SRGAP2: variants seen among roughly 807,000 people sequenced by gnomAD.
SRGAP2 encodes SLIT-ROBO Rho GTPase-activating protein 2.
Under a neutral mutation model 57.2 loss-of-function variants are expected in SRGAP2, and 15 were observed. The observed-to-expected ratio is 0.26, with a 90% CI of 0.18 to 0.40. The LOEUF (loss-of-function observed/expected upper bound fraction) is 0.40, where lower values mean the gene tolerates loss of function less well. SRGAP2 is among the 10% of genes least tolerant of loss of function. The pLI, the probability that SRGAP2 is intolerant of heterozygous loss-of-function variation, is 1.00. For missense variants in SRGAP2, 520 were observed against 669.6 expected (o/e 0.78, Z 2.47); for synonymous variants, 249 against 248.0 (o/e 1.00, Z -0.04).
At chr1:206,334,009 A>C (rs1260685195) in intron 3 of SRGAP2, among the ~76,000 whole-genome samples, 1 of 152,164 alleles carries the variant, frequency 6.6e-6, no homozygotes, top group East Asian at 1.9e-4. Flanking sequence ...CACACAAGCC[A>C]ATGGACATAC....
intron 3 of SRGAP2, among the ~76,000 whole-genome samples, chr1:206,319,007 G>A (rs1673257674): frequency 1.3e-5 from 2 of 152,090 alleles, no homozygotes; most frequent in Non-Finnish European, 2.9e-5. Context: ...TCTGAAGGAC[G>A]CAACTCAGGT....
chr1:206,383,511 G>A (rs1158754709), intron 4 of SRGAP2, among the ~76,000 whole-genome samples: 1 of 152,074 alleles, frequency 6.6e-6, no homozygotes, highest in African/African-American at 2.4e-5. Flanking sequence ...TGTGAGTTTT[G>A]GGTAGAAATA....
chr1:206,389,984 AC>A, intron 5 of SRGAP2, among the ~76,000 whole-genome samples: 1 of 151,174 alleles, frequency 6.6e-6, no homozygotes, highest in East Asian at 1.9e-4. Flanking sequence ...ATGTATATGT[AC>A]ATAGATATAT....
In SRGAP2 at chr1:206,292,243, A is replaced by G. The variant is rs1166434897; in HGVS notation, c.68-11038A>G. 3.8e-3 allele frequency among the ~76,000 whole-genome samples: 575 copies of G among 152,278 alleles called. 4 individuals are homozygous for G. The highest frequency in any genetic ancestry group is 0.017 in the Middle Eastern group (5 of 294). ...GTCAATTTCTATCTCCTGTAGGTCAAAGTTTGATTCTTGGAGCCTCCACTT... is the reference window on the plus strand; with the variant it reads ...GTCAATTTCTATCTCCTGTAGGTCAGAGTTTGATTCTTGGAGCCTCCACTT... On this transcript the variant is annotated intron_variant, in intron 2 of 22. Coordinates refer to ENST00000573034, the MANE Select transcript of SRGAP2 (RefSeq NM_015326.5).
chr1:206,305,662 C>G (rs1672148728), intron 3 of SRGAP2, among the ~76,000 whole-genome samples: 1 of 150,494 alleles, frequency 6.6e-6, no homozygotes, highest in Admixed American at 6.6e-5. Context: ...TAGATGCGCA[C>G]TAAATATTGT....
intron 2 of SRGAP2, among the ~76,000 whole-genome samples, chr1:206,268,580 A>T (rs1553315335): frequency 6.6e-6 from 1 of 152,012 alleles, no homozygotes; most frequent in Non-Finnish European, 1.5e-5. Flanking sequence ...AGGAAGGCAG[A>T]TAAAAAGGGG....
Position 206,458,961 on chromosome 1 carries a change from C to T in SRGAP2, c.2832+14C>T. ...GTCATTGCTCAGGTAACTGTGGGCT[C>T]CTGGACAGACAGCATGAGTCTACAT... is the stretch of plus-strand genomic sequence containing the variant. On this transcript the variant is annotated intron_variant, in intron 22 of 22. Coordinates refer to ENST00000573034, the MANE Select transcript of SRGAP2 (RefSeq NM_015326.5). The T allele has an allele frequency of 1.3e-6, 1 of 745,532 alleles. No homozygotes were observed. The highest frequency in any genetic ancestry group is 2.3e-4 in the Middle Eastern group (1 of 4,372). 46.2% of individuals were successfully genotyped at this position (745,532 alleles called of 1,614,324 possible).
intron 13 of SRGAP2, among the ~76,000 whole-genome samples, chr1:206,427,072 GT>G (rs148675681): frequency 1.5e-4 from 22 of 148,056 alleles, no homozygotes; most frequent in Non-Finnish European, 2.6e-4. Flanking sequence ...TGCCCCAATG[GT>G]TTTTTTTTTA....
Position 206,463,263 on chromosome 1 carries a change from G to A in SRGAP2, c.*1843G>A, listed in dbSNP as rs1234625455. The A allele has an allele frequency of 1.3e-5, 2 of 152,536 alleles. No individual in the cohort carries two copies. Among genetic ancestry groups the A allele is most frequent in the Non-Finnish European group, 2.9e-5 (2 of 68,016 alleles). 9.4% of individuals were successfully genotyped at this position (152,536 alleles called of 1,614,324 possible). On this transcript the variant is annotated 3_prime_UTR_variant, in exon 23 of 23. Transcript: ENST00000573034. ...TTTCCAAGTGCTAGGCAGGAGAACT[G>A]AAGAACTCTTTCAGTGAAGTGAGTC...
At chr1:206,253,573 C>CTTTTTTT (rs71264673) in intron 2 of SRGAP2, among the ~76,000 whole-genome samples, 5 of 101,662 alleles carry the variant, frequency 4.9e-5, no homozygotes, top group South Asian at 3.7e-4. Context: ...TTCTTTCTTT[C>CTTTTTTT]TTTTTTTTTT....
chr1:206,441,193 A>T (rs958027139), intron 17 of SRGAP2, among the ~76,000 whole-genome samples: 2 of 152,212 alleles, frequency 1.3e-5, no homozygotes, highest in African/African-American at 4.8e-5. Flanking sequence ...TGATGTGGTC[A>T]TGGTCATTTG....
chr1:206,268,216 C>G (rs1334227013), intron 2 of SRGAP2, among the ~76,000 whole-genome samples: 1 of 150,196 alleles, frequency 6.7e-6, no homozygotes, highest in Non-Finnish European at 1.5e-5. Context: ...AGTATATCTC[C>G]TAATACTATC....
Position 206,206,217 on chromosome 1 carries a change from T to C in SRGAP2, c.67+180T>C, listed in dbSNP as rs1665902583. 4 of 536,188 alleles carry C rather than the reference T, an allele frequency of 7.5e-6. No homozygotes were observed. In the South Asian group the frequency reaches 9.2e-5, roughly 12 times the overall value. The allele number at this position is 536,188 out of a possible 1,614,324, so 33.2% of individuals were successfully genotyped here. A position where few individuals can be genotyped will look rare whatever the true frequency, so the allele number is the denominator to read the frequency against. On this transcript the variant is annotated intron_variant, in intron 2 of 22. Transcript: ENST00000573034. ...AAGGATGGGCAATGCCAGGGGGCCATTGACACTGGAAAGGAATTTTTGCAG... is the reference window on the plus strand; with the variant it reads ...AAGGATGGGCAATGCCAGGGGGCCACTGACACTGGAAAGGAATTTTTGCAG...
At chr1:206,404,346 G>A (rs1342814890) in intron 8 of SRGAP2, among the ~76,000 whole-genome samples, 5 of 152,044 alleles carry the variant, frequency 3.3e-5, no homozygotes, top group African/African-American at 4.8e-5. Flanking sequence ...GTGGGCATGT[G>A]AATGTGCCCA....
At chr1:206,450,594 T>C in intron 19 of SRGAP2, 129 bp downstream of exon 19, 1 of 619,136 alleles carries the variant, frequency 1.6e-6, no homozygotes, top group Non-Finnish European at 2.9e-6. Context: ...GAGCTCCCTG[T>C]CTCAATTTCA....
chr1:206,432,533 T>C (rs1487862320), intron 14 of SRGAP2, among the ~76,000 whole-genome samples: 1 of 152,206 alleles, frequency 6.6e-6, no homozygotes, highest in South Asian at 2.1e-4. Flanking sequence ...TAAATGCCCA[T>C]ACATAGAGGA....
chr1:206,386,999 G>A (rs1367582350), intron 5 of SRGAP2, among the ~76,000 whole-genome samples: 5 of 149,656 alleles, frequency 3.3e-5, no homozygotes, highest in Non-Finnish European at 7.4e-5. Flanking sequence ...GGTGGTGGGC[G>A]CCTATAGTCC....
At chr1:206,327,268 G>A (rs1236500238) in intron 3 of SRGAP2, among the ~76,000 whole-genome samples, 17 of 151,532 alleles carry the variant, frequency 1.1e-4, no homozygotes, top group African/African-American at 4.1e-4. Flanking sequence ...CGGAGGTTGC[G>A]GTGAGCCGAG....
At chr1:206,416,050 C>G (rs759388038) in intron 11 of SRGAP2, 77 bp downstream of exon 11, 31 of 694,480 alleles carry the variant, frequency 4.5e-5, no homozygotes, top group Non-Finnish European at 6.8e-5. Flanking sequence ...ACGCCTCCAT[C>G]CTCAGCCAAG....
Sources: gnomAD v4.1 joint callset for allele counts (sites outside exome capture counted in the v4.1 genomes callset) on GRCh38, gnomAD v4.1.1 for gene constraint, MANE v1.5 for transcripts, NCBI Gene and HGNC (gene_info 2026-07-23, HGNC 2026-07-21) for gene names.